Variants in EVI2B observed in about 807,000 individuals in gnomAD.
The protein encoded by EVI2B is protein EVI2B.
Under a neutral mutation model 6.6 loss-of-function variants are expected in EVI2B, and 4 were observed. The observed-to-expected ratio is 0.61, with a 90% CI of 0.30 to 1.39. The LOEUF is 1.39. Ranked by LOEUF, EVI2B falls within the 40% of genes most tolerant of loss-of-function variation. The probability of loss-of-function intolerance (pLI) is 0.08; values close to 1 mark genes in which losing one functional copy is unlikely to be tolerated. For missense variants in EVI2B, 484 were observed against 516.6 expected (o/e 0.94, Z 0.61); for synonymous variants, 181 against 186.8 (o/e 0.97, Z 0.25).
intron 1 of EVI2B, chr17:31,307,987 A>AT (rs915446654): frequency 9.4e-6 from 11 of 1,174,272 alleles, no homozygotes; most frequent in East Asian, 5.7e-5. Context: ...AAGATATGTG[A>AT]TTTTTTTCCC....
chr17:31,309,293 C>T (rs1165281341), intron 1 of EVI2B, among the ~76,000 whole-genome samples: 1 of 152,144 alleles, frequency 6.6e-6, no homozygotes, highest in East Asian at 1.9e-4. Flanking sequence ...CTTCTTGATT[C>T]CTTTCCATTT....
chr17:31,308,576 C>T (rs16963584), intron 1 of EVI2B, among the ~76,000 whole-genome samples: 2,919 of 152,242 alleles, frequency 0.019, 102 homozygotes, highest in African/African-American at 0.067. Flanking sequence ...TCTAAACACA[C>T]GATTTTTCCC....
At chr17:31,312,518 C>CAA (rs951056099) in intron 1 of EVI2B, among the ~76,000 whole-genome samples, 3 of 60,132 alleles carry the variant, frequency 5.0e-5, no homozygotes, top group Non-Finnish European at 6.9e-5. Context: ...GACTCCATCT[C>CAA]AAAAAAAAAA....
At chr17:31,312,943 TTCTA>T (rs1169488842) in intron 1 of EVI2B, among the ~76,000 whole-genome samples, 2 of 152,194 alleles carry the variant, frequency 1.3e-5, no homozygotes, top group Non-Finnish European at 2.9e-5. Context: ...TATAGGTTTC[TTCTA>T]TCTTATACTA....
At chr17:31,307,380 A>G (rs777190442) in intron 1 of EVI2B, among the ~76,000 whole-genome samples, 3 of 152,340 alleles carry the variant, frequency 2.0e-5, no homozygotes, top group Non-Finnish European at 4.4e-5. Context: ...AGAGAAGTTA[A>G]CCTAGCCTGG....
intron 1 of EVI2B, among the ~76,000 whole-genome samples, chr17:31,308,290 A>C (rs550128766): frequency 9.7e-4 from 147 of 151,932 alleles, no homozygotes; most frequent in Non-Finnish European, 1.9e-3. Flanking sequence ...GTAGGCATAC[A>C]CTACCACACC....
Position 31,305,630 on chromosome 17 carries a change from T to C in EVI2B, c.-21A>G, listed in dbSNP as rs2068698884. The C allele has an allele frequency of 6.3e-7, 1 of 1,599,950 alleles. No homozygotes were observed. The highest frequency in any genetic ancestry group is 8.5e-7 in the Non-Finnish European group (1 of 1,172,698). On this transcript the variant is annotated splice_region_variant and 5_prime_UTR_variant, in exon 2 of 2. Coordinates refer to ENST00000330927, the MANE Select transcript of EVI2B (RefSeq NM_006495.4). The stretch of plus-strand genomic sequence containing the variant: ...TCCATTTCAGAATATTTCCTCGTTA[T>C]CTATAGCGGGTTTATAATGAAAGAG...
At position 31,305,064 on chromosome 17, in the gene EVI2B, T is replaced by C. The variant is rs1225251936; in HGVS notation, c.546A>G (p.Pro182=). 32 of 1,614,092 alleles carry C rather than the reference T, an allele frequency of 2.0e-5. No individual in the cohort carries two copies. Among genetic ancestry groups the C allele is most frequent in the Non-Finnish European group, 2.0e-5 (24 of 1,180,040 alleles). The part of the protein sequence containing the change: ...STVKNSPRST[P]GFILDTTSNK... ...TACTGGTAGTATCTAAGATAAATCCTGGTGTACTCCTAGGTGAATTTTTGA... is the reference window on the plus strand; with the variant it reads ...TACTGGTAGTATCTAAGATAAATCCCGGTGTACTCCTAGGTGAATTTTTGA... The change falls in exon 2 of 2, where the codon CCA becomes CCG. Residue 182 remains proline, a synonymous_variant. Transcript: ENST00000330927.
At chr17:31,309,692 G>GA (rs2068817675) in intron 1 of EVI2B, among the ~76,000 whole-genome samples, 1 of 152,138 alleles carries the variant, frequency 6.6e-6, no homozygotes, top group Non-Finnish European at 1.5e-5. Context: ...TCAGTTAGCT[G>GA]AAAAAGGCAT....
Position 31,304,754 on chromosome 17 carries a change from C to T in EVI2B, c.856G>A (p.Asp286Asn). ...GATTCAAACAACTTAATTTCTAAGT[C>T]ATCTGCTAAAAGTGTGCTTTTGCTT... ...KPSKSTLLAD[D>N]LEIKLFESSE... The change falls in exon 2 of 2, where the codon GAC becomes AAC. Residue 286 changes from aspartate (D) to asparagine (N), a missense_variant. Transcript: ENST00000330927. 13 of 1,614,118 alleles carry T rather than the reference C, an allele frequency of 8.1e-6. No individual in the cohort carries two copies. The highest frequency in any genetic ancestry group is 6.7e-5 in the Admixed American group (4 of 60,026).
At position 31,313,730 on chromosome 17, in the gene EVI2B, G is replaced by A. The variant is rs1047869948; in HGVS notation, c.-22+249C>T. On this transcript the variant is annotated intron_variant, in intron 1 of 1. Transcript: ENST00000330927. Reference sequence around the variant, plus strand: ...CAAAAAAAAAAAAAAATATGTGTGTGTGTGTGTGTGTGTGTGTGTGTGTGT... The same window carrying A: ...CAAAAAAAAAAAAAAATATGTGTGTATGTGTGTGTGTGTGTGTGTGTGTGT... 5.6e-5 allele frequency among the ~76,000 whole-genome samples: 3 copies of A among 54,016 alleles called. 1 individual carries two copies. Among genetic ancestry groups the A allele is most frequent in the Non-Finnish European group, 2.2e-4 (3 of 13,878 alleles). The allele number at this position is 54,016 out of a possible 152,430, so 35.4% of individuals were successfully genotyped here.
chr17:31,309,594 A>G (rs1344480133), intron 1 of EVI2B, among the ~76,000 whole-genome samples: 1 of 152,192 alleles, frequency 6.6e-6, no homozygotes, highest in East Asian at 1.9e-4. Context: ...AAAGCATCAG[A>G]AAATATAAGC....
chr17:31,305,578 A>G lies in EVI2B; in HGVS notation c.32T>C (p.Phe11Ser), dbSNP rs1306960668. MDPKYFILIL[F>S]CGHLNNTFFS... ...AAATGTATTGTTCAGGTGTCCACAA[A>G]ACAAAATTAAGATGAAATATTTGGG... Residue 11 changes from phenylalanine to serine, a missense_variant, in exon 2 of 2, where the codon TTT (phenylalanine) becomes TCT (serine). By Grantham distance (155) the Phe-to-Ser change is radical. Coordinates refer to ENST00000330927, the MANE Select transcript of EVI2B (RefSeq NM_006495.4). 1.2e-6 allele frequency: 2 copies of G among 1,613,414 alleles called. No homozygotes were observed. Among genetic ancestry groups the G allele is most frequent in the Non-Finnish European group, 1.7e-6 (2 of 1,179,728 alleles).
rs1471116425 is a variant in EVI2B at position 31,304,174 on chromosome 17, C to CT, written c.*88dup. On this transcript the variant is annotated 3_prime_UTR_variant, in exon 2 of 2. Coordinates refer to ENST00000330927, the MANE Select transcript of EVI2B (RefSeq NM_006495.4). ...GTTCCTGAATAAAAATCAAAATTGA[C>CT]TATCAGTTGCCATTTTATATATGTT... is the stretch of plus-strand genomic sequence containing the variant. The CT allele has an allele frequency of 7.8e-7, 1 of 1,283,070 alleles. No individual in the cohort carries two copies. Among genetic ancestry groups the CT allele is most frequent in the Non-Finnish European group, 1.1e-6 (1 of 932,182 alleles). The allele number at this position is 1,283,070 out of a possible 1,614,324, so 79.5% of individuals were successfully genotyped here. A position where few individuals can be genotyped will look rare whatever the true frequency, so the allele number is the denominator to read the frequency against.
At position 31,313,719 on chromosome 17, in the gene EVI2B, A is replaced by AT. The variant is rs1555625966; in HGVS notation, c.-22+259_-22+260insA. On this transcript the variant is annotated intron_variant, in intron 1 of 1. Transcript: ENST00000330927. ...AGACTCTATCTCAAAAAAAAAAAAA[A>AT]ATATGTGTGTGTGTGTGTGTGTGTG... Among the ~76,000 whole-genome samples, 12 of 103,308 alleles carry AT rather than the reference A, an allele frequency of 1.2e-4. No individual in the cohort carries two copies. In the East Asian group the frequency reaches 2.4e-3, roughly 20 times the overall value. 67.8% of individuals were successfully genotyped at this position (103,308 alleles called of 152,430 possible).
At chr17:31,309,910 A>T (rs979478448) in intron 1 of EVI2B, among the ~76,000 whole-genome samples, 1 of 152,192 alleles carries the variant, frequency 6.6e-6, no homozygotes, top group Admixed American at 6.5e-5. Context: ...ACCACTCTTC[A>T]GTTAGCTTTT....
At chr17:31,307,982 A>G (rs1173090867) in intron 1 of EVI2B, 5 of 1,215,308 alleles carry the variant, frequency 4.1e-6, no homozygotes, top group Non-Finnish European at 5.4e-6. Flanking sequence ...AAGAAAAGAT[A>G]TGTGATTTTT....
At chr17:31,312,992 G>A (rs528057225) in intron 1 of EVI2B, among the ~76,000 whole-genome samples, 84 of 152,102 alleles carry the variant, frequency 5.5e-4, no homozygotes, top group African/African-American at 1.9e-3. Context: ...ACATAAACAC[G>A]TAGATGATAT....
intron 1 of EVI2B, among the ~76,000 whole-genome samples, chr17:31,307,403 G>A (rs1035917222): frequency 1.1e-4 from 17 of 152,224 alleles, no homozygotes; most frequent in Middle Eastern, 3.2e-3. Flanking sequence ...AGGCTTCAGT[G>A]AAGTAAAGCT....
Sources: gnomAD v4.1 joint callset for allele counts (sites outside exome capture counted in the v4.1 genomes callset) on GRCh38, gnomAD v4.1.1 for gene constraint, MANE v1.5 for transcripts, NCBI Gene and HGNC (gene_info 2026-07-23, HGNC 2026-07-21) for gene names.